Variants in DCC observed in about 807,000 individuals in gnomAD.
The protein encoded by DCC is netrin receptor DCC.
A neutral mutation model predicts 172.5 loss-of-function variants in DCC; 58 were observed. That is an observed-to-expected ratio of 0.34 (90% CI 0.27 to 0.42). The LOEUF (loss-of-function observed/expected upper bound fraction) is 0.42. DCC is among the 10% of genes least tolerant of loss of function. The pLI is 1.00. For synonymous variants in DCC, 709 were observed against 644.5 expected (o/e 1.10, Z -1.52); for missense variants, 1,740 against 1,791.0 (o/e 0.97, Z 0.51).
chr18:53,273,732 CT>C (rs35717258), intron 12 of DCC, among the ~76,000 whole-genome samples: 2,019 of 144,786 alleles, frequency 0.014, 26 homozygotes, highest in African/African-American at 0.035. Context: ...CTTTCTGCTG[CT>C]TTTTTTTTTT....
rs537787696 is a variant in DCC at position 53,292,837 on chromosome 18, A to T, written c.1912-12741A>T. Among the ~76,000 whole-genome samples, 9 of 152,332 alleles carry T rather than the reference A, an allele frequency of 5.9e-5. No homozygotes were observed. The South Asian group carries it at 1.9e-3, about 32-fold the overall frequency. On this transcript the variant is annotated intron_variant, in intron 12 of 28. Transcript: ENST00000442544. Reference sequence around the variant, plus strand: ...TATTTATGAAGGTAATTCAGTCACAACCAGAATCACTCCATTTATTTATTT... The same window carrying T: ...TATTTATGAAGGTAATTCAGTCACATCCAGAATCACTCCATTTATTTATTT...
Position 53,429,053 on chromosome 18 carries a change from A to ATATT in DCC, c.3164-6090_3164-6089insATTT, listed in dbSNP as rs1480222716. 1.0e-4 allele frequency among the ~76,000 whole-genome samples: 5 copies of ATATT among 47,906 alleles called. 2 individuals are homozygous for ATATT. The highest frequency in any genetic ancestry group is 5.3e-4 in the East Asian group (1 of 1,890). The allele number at this position is 47,906 out of a possible 152,430, so 31.4% of individuals were successfully genotyped here. On this transcript the variant is annotated intron_variant, in intron 21 of 28. Coordinates refer to ENST00000442544, the MANE Select transcript of DCC (RefSeq NM_005215.4). ...ATAATATATATTTTATATATAATAT[A>ATATT]TTATATATTTTATATATAATATATA...
intron 19 of DCC, among the ~76,000 whole-genome samples, chr18:53,404,245 G>C (rs1008319003): frequency 1.5e-5 from 2 of 134,542 alleles, no homozygotes; most frequent in African/African-American, 5.0e-5. Flanking sequence ...AATAAAAACA[G>C]GTTCTGATAG....
At chr18:52,751,854 T>C (rs1310177736) in intron 1 of DCC, among the ~76,000 whole-genome samples, 200 bp from the exon 2 acceptor site, 2 of 151,982 alleles carry the variant, frequency 1.3e-5, no homozygotes, top group African/African-American at 4.8e-5. Context: ...GAGCCAATTG[T>C]TTTCTTAATT....
chr18:53,500,380 A>C lies in DCC; in HGVS notation c.4111+870A>C, dbSNP rs116584344. On this transcript the variant is annotated intron_variant, in intron 27 of 28. Coordinates refer to ENST00000442544, the MANE Select transcript of DCC (RefSeq NM_005215.4). Reference sequence around the variant, plus strand: ...TCAGTATATCAGGCATAAGATAGTAAATTTCAGTAATCTGAGATGGCCTCC... The same window carrying C: ...TCAGTATATCAGGCATAAGATAGTACATTTCAGTAATCTGAGATGGCCTCC... Among the ~76,000 whole-genome samples the C allele has an allele frequency of 7.5e-3, 1,139 of 152,232 alleles. 15 individuals carry two copies. The highest frequency in any genetic ancestry group is 0.026 in the African/African-American group (1,099 of 41,540).
intron 2 of DCC, among the ~76,000 whole-genome samples, chr18:52,794,562 A>G (rs888786578): frequency 1.3e-5 from 2 of 151,900 alleles, no homozygotes; most frequent in South Asian, 4.2e-4. Context: ...TTTTCTATAC[A>G]TAAGATAATG....
intron 3 of DCC, among the ~76,000 whole-genome samples, chr18:52,907,618 AT>A (rs1014405942): frequency 2.6e-5 from 4 of 151,920 alleles, no homozygotes; most frequent in Middle Eastern, 3.2e-3. Flanking sequence ...GTTTCATCCT[AT>A]TGCCCAGGCT....
intron 8 of DCC, among the ~76,000 whole-genome samples, chr18:53,169,265 G>A (rs16956271): frequency 0.012 from 1,846 of 152,252 alleles, 38 homozygotes; most frequent in African/African-American, 0.042. Flanking sequence ...TATTTTCCAA[G>A]ACACTTTAAT....
At chr18:52,997,528 G>A (rs1186908729) in intron 5 of DCC, among the ~76,000 whole-genome samples, 2 of 152,070 alleles carry the variant, frequency 1.3e-5, no homozygotes, top group Non-Finnish European at 2.9e-5. Context: ...TTAGCAGTTA[G>A]TGTGAGAACT....
chr18:53,235,768 A>G (rs1484365655), intron 12 of DCC, among the ~76,000 whole-genome samples: 2 of 152,074 alleles, frequency 1.3e-5, no homozygotes, highest in African/African-American at 2.4e-5. Context: ...CTCTTTAACA[A>G]TACATCGCCG....
intron 5 of DCC, among the ~76,000 whole-genome samples, chr18:53,056,726 T>C (rs1446227753): frequency 6.6e-6 from 1 of 152,086 alleles, no homozygotes; most frequent in African/African-American, 2.4e-5. Context: ...GGAAACTAGC[T>C]GGCTTTCCAC....
At chr18:52,975,300 C>G (rs1469369205) in intron 5 of DCC, among the ~76,000 whole-genome samples, 2 of 152,120 alleles carry the variant, frequency 1.3e-5, no homozygotes, top group Non-Finnish European at 2.9e-5. Flanking sequence ...AGAGAGAGAG[C>G]TCTGGTGTTT....
chr18:53,066,610 A>G (rs2042574572), intron 7 of DCC, among the ~76,000 whole-genome samples: 1 of 151,280 alleles, frequency 6.6e-6, no homozygotes, highest in African/African-American at 2.4e-5. Context: ...TTAGGTGTAT[A>G]TTTTAGTTAT....
At chr18:52,851,513 T>C (rs565066228) in intron 2 of DCC, among the ~76,000 whole-genome samples, 1 of 152,064 alleles carries the variant, frequency 6.6e-6, no homozygotes, top group Admixed American at 6.5e-5. Context: ...CAGAAAAATA[T>C]TTGGTTAAAA....
chr18:52,602,499 C>A (rs961040543), intron 1 of DCC, among the ~76,000 whole-genome samples: 1 of 151,658 alleles, frequency 6.6e-6, no homozygotes, highest in Admixed American at 6.6e-5. Context: ...ATCAGTGACA[C>A]CTGGTTCAGT....
rs3059140 is a variant in DCC, at chr18:53,242,871, GGTGTGT to G, written c.1911+27301_1911+27306del. ...GTGTCCAGACCTATGATGACAAGTA[GGTGTGT>G]GTGTGTGTGTGTGTGTGTGTGTGTG... is the stretch of plus-strand genomic sequence containing the variant. On this transcript the variant is annotated intron_variant, in intron 12 of 28. Coordinates refer to ENST00000442544, the MANE Select transcript of DCC (RefSeq NM_005215.4). Among the ~76,000 whole-genome samples the G allele has an allele frequency of 4.2e-3, 630 of 148,506 alleles. 4 individuals carry two copies. Among genetic ancestry groups the G allele is most frequent in the Middle Eastern group, 0.014 (4 of 288 alleles).
chr18:53,129,770 G>T (rs2043623687), intron 7 of DCC, among the ~76,000 whole-genome samples: 1 of 151,838 alleles, frequency 6.6e-6, no homozygotes, highest in South Asian at 2.1e-4. Context: ...TCTAATTTTT[G>T]ACTATTATTA....
At chr18:53,050,636 C>A (rs542152253) in intron 5 of DCC, among the ~76,000 whole-genome samples, 1 of 152,006 alleles carries the variant, frequency 6.6e-6, no homozygotes, top group East Asian at 1.9e-4. Context: ...TATCTTGAAA[C>A]TTTGCTGAAG....
intron 1 of DCC, among the ~76,000 whole-genome samples, chr18:52,490,327 C>T (rs1238720337): frequency 2.6e-5 from 4 of 152,058 alleles, no homozygotes; most frequent in African/African-American, 9.7e-5. Context: ...AAACAATAGC[C>T]AGAAAGCAGG....
Sources: allele counts gnomAD v4.1 joint callset (sites outside exome capture counted in the v4.1 genomes callset), GRCh38; gene constraint gnomAD v4.1.1; transcripts MANE v1.5; gene names NCBI Gene and HGNC (gene_info 2026-07-23, HGNC 2026-07-21).